The following TLK2 variants were observed in gnomAD, a reference collection of about 807,000 sequenced individuals.
TLK2 encodes the protein serine/threonine-protein kinase tousled-like 2.
TLK2 carries 6 observed loss-of-function variants against 117.3 expected under a neutral mutation model. The observed-to-expected ratio is 0.05, with a 90% CI of 0.03 to 0.10. TLK2 has a LOEUF of 0.10. Among genes scored for constraint, TLK2 ranks in the 10% least tolerant of loss-of-function variants. TLK2 has a pLI of 1.00. For missense variants in TLK2, 299 were observed against 901.2 expected (o/e 0.33, Z 8.56); for synonymous variants, 257 against 316.7 (o/e 0.81, Z 2.00).
At chr17:62,565,229 T>C (rs2079655560) in intron 11 of TLK2, 92 bp downstream of exon 11, 2 of 1,465,590 alleles carry the variant, frequency 1.4e-6, no homozygotes, top group Middle Eastern at 1.8e-4. Flanking sequence ...AATCCTACTA[T>C]TGGTAGTCAT....
At chr17:62,571,424 T>C (rs539655541) in intron 11 of TLK2, among the ~76,000 whole-genome samples, 1 of 149,786 alleles carries the variant, frequency 6.7e-6, no homozygotes, top group East Asian at 1.9e-4. Flanking sequence ...TGCAGCCATC[T>C]TTTTTTTTTC....
chr17:62,600,386 T>C (rs183820275), intron 17 of TLK2: 51 of 351,044 alleles, frequency 1.5e-4, no homozygotes, highest in African/African-American at 9.6e-4. Context: ...TCTTATAGTC[T>C]AGACTCAAGA....
At chr17:62,564,200 C>T (rs2079537743) in intron 10 of TLK2, among the ~76,000 whole-genome samples, 1 of 152,006 alleles carries the variant, frequency 6.6e-6, no homozygotes, top group Admixed American at 6.6e-5. Context: ...GCCAGGAATT[C>T]AAGACCAGCG....
At chr17:62,608,482 TCA>T (rs1374273938) in intron 21 of TLK2, among the ~76,000 whole-genome samples, 1 of 152,192 alleles carries the variant, frequency 6.6e-6, no homozygotes, top group East Asian at 1.9e-4. Flanking sequence ...TCATCTGTAT[TCA>T]GGGATTATGA....
In TLK2 at chr17:62,602,178, T is replaced by C. The variant is rs756367907; in HGVS notation, c.1857T>C (p.Tyr619=). The C allele has an allele frequency of 7.4e-6, 12 of 1,613,326 alleles. No individual in the cohort carries two copies. The highest frequency in any genetic ancestry group is 1.1e-5 in the South Asian group (1 of 90,876). ...MELTSQGAGT[Y]WYLPPECFVV... is the part of the protein sequence containing the mutation. ...TAACATCACAAGGTGCTGGTACTTA[T>C]TGGTAGGTATCCAGGAGCTCTGCCA... The change falls in exon 19 of 22, where the codon TAT becomes TAC. Residue 619 remains tyrosine (Y), a splice_region_variant and synonymous_variant. Transcript: ENST00000346027.
intron 2 of TLK2, among the ~76,000 whole-genome samples, chr17:62,503,817 C>G (rs2074428967): frequency 1.3e-5 from 2 of 151,546 alleles, no homozygotes; most frequent in South Asian, 2.1e-4. Flanking sequence ...CAGCCTCCCC[C>G]TCCCAGGTTC....
intron 15 of TLK2, among the ~76,000 whole-genome samples, chr17:62,581,438 CTTT>C (rs11334252): frequency 1.3e-4 from 16 of 121,238 alleles, no homozygotes; most frequent in African/African-American, 9.4e-5. Flanking sequence ...ATTCTAGTAT[CTTT>C]TTTTTTTTTT....
rs1047521953 is a variant in TLK2 at position 62,612,627 on chromosome 17, C to T, written c.*62C>T. ...AAAGTGGACAAATGGCGTTCAGCAG[C>T]GGGTTTGGAACATAGCGAATCCGAA... On this transcript the variant is annotated 3_prime_UTR_variant, in exon 22 of 22. Transcript: ENST00000346027. 1.3e-5 allele frequency: 19 copies of T among 1,503,482 alleles called. No homozygotes were observed. The highest frequency in any genetic ancestry group is 1.7e-4 in the Middle Eastern group (1 of 5,716). The allele number at this position is 1,503,482 out of a possible 1,614,324, so 93.1% of individuals were successfully genotyped here.
chr17:62,543,931 A>G (rs1272175810), intron 7 of TLK2, among the ~76,000 whole-genome samples: 1 of 151,942 alleles, frequency 6.6e-6, no homozygotes, highest in African/African-American at 2.4e-5. Context: ...ATTTACTCTT[A>G]TATTTTCTTC....
At position 62,536,353 on chromosome 17, in the gene TLK2, A is replaced by T; in HGVS notation, c.531+16A>T. On this transcript the variant is annotated intron_variant, in intron 7 of 21. Transcript: ENST00000346027. ...TTTTGTTTCAGTGAGTACAAAGCCT[A>T]AGTTAATTCATATCCTTTCCATTGC... 6.2e-7 allele frequency: 1 copy of T among 1,602,686 alleles called. No homozygotes were observed. Among genetic ancestry groups the T allele is most frequent in the Non-Finnish European group, 8.5e-7 (1 of 1,173,882 alleles).
chr17:62,506,509 A>AT (rs1453063389), intron 2 of TLK2, among the ~76,000 whole-genome samples: 2 of 151,776 alleles, frequency 1.3e-5, no homozygotes, highest in African/African-American at 2.4e-5. Flanking sequence ...TGGCAGTGGG[A>AT]TTTTTTTTCT....
chr17:62,481,591 T>C (rs1318026549), intron 2 of TLK2, among the ~76,000 whole-genome samples: 1 of 152,228 alleles, frequency 6.6e-6, no homozygotes, highest in Admixed American at 6.5e-5. Context: ...AGTTACATGG[T>C]AGAGTATTGA....
intron 2 of TLK2, chr17:62,516,808 G>C (rs2075634421): frequency 8.0e-7 from 1 of 1,249,204 alleles, no homozygotes; most frequent in Non-Finnish European, 1.1e-6. Context: ...TGGAAAGCTA[G>C]TTTTAGTTCT....
At chr17:62,504,143 G>T (rs1011905836) in intron 2 of TLK2, among the ~76,000 whole-genome samples, 1 of 152,140 alleles carries the variant, frequency 6.6e-6, no homozygotes, top group Admixed American at 6.5e-5. Flanking sequence ...AAACTGGTTG[G>T]TTGGTTAAAA....
chr17:62,507,223 G>A (rs538208977), intron 2 of TLK2, among the ~76,000 whole-genome samples: 43 of 151,890 alleles, frequency 2.8e-4, no homozygotes, highest in Non-Finnish European at 4.9e-4. Flanking sequence ...GCGGTCAGCC[G>A]AGATCGTGCC....
At chr17:62,546,640 C>G (rs1311645616) in intron 7 of TLK2, among the ~76,000 whole-genome samples, 1 of 150,164 alleles carries the variant, frequency 6.7e-6, no homozygotes, top group East Asian at 2.0e-4. Flanking sequence ...ACTGCAACCT[C>G]TGCCACCCAG....
rs1422956613 is a variant in TLK2, at chr17:62,613,399, A to T, written c.*834A>T. On this transcript the variant is annotated 3_prime_UTR_variant, in exon 22 of 22. Transcript: ENST00000346027. ...AGCTTGGAGTCTCTCTAGGTTTTCA[A>T]CTATTTCTTCACAATTTGAACACTT... The T allele has an allele frequency of 1.3e-5, 2 of 152,748 alleles. No individual in the cohort carries two copies. Among genetic ancestry groups the T allele is most frequent in the South Asian group, 4.1e-4 (2 of 4,822 alleles). The allele number at this position is 152,748 out of a possible 1,614,324, so 9.5% of individuals were successfully genotyped here.
chr17:62,478,544 C>T (rs1195803018), upstream of TLK2, among the ~76,000 whole-genome samples: 1 of 149,966 alleles, frequency 6.7e-6, no homozygotes, highest in African/African-American at 2.4e-5. Context: ...CGTTGCGGCC[C>T]GTCAGCCGGC....
intron 21 of TLK2, among the ~76,000 whole-genome samples, chr17:62,609,815 C>A (rs2083598417): frequency 6.6e-6 from 1 of 152,168 alleles, no homozygotes; most frequent in Non-Finnish European, 1.5e-5. Context: ...AAACATCTTC[C>A]TTAAAAGGTG....
Sources: allele counts gnomAD v4.1 joint callset (sites outside exome capture counted in the v4.1 genomes callset), GRCh38; gene constraint gnomAD v4.1.1; transcripts MANE v1.5; gene names NCBI Gene and HGNC (gene_info 2026-07-23, HGNC 2026-07-21).